Variants in JAKMIP1 observed in about 807,000 individuals in gnomAD.
JAKMIP1 encodes janus kinase and microtubule interacting protein 1, also known as janus kinase and microtubule-interacting protein 1.
A neutral mutation model predicts 113.0 loss-of-function variants in JAKMIP1; 33 were observed. The ratio of observed to expected loss-of-function variants is 0.29; its 90% CI spans 0.22 to 0.39. JAKMIP1 has a LOEUF of 0.39. JAKMIP1 is among the 10% of genes least tolerant of loss of function. JAKMIP1 has a pLI of 1.00. For synonymous variants in JAKMIP1, 480 were observed against 459.9 expected, an observed-to-expected ratio of 1.04 and a Z score of -0.56; for missense variants, 813 against 1,080.5, an observed-to-expected ratio of 0.75 and a Z score of 3.47.
intron 5 of JAKMIP1, among the ~76,000 whole-genome samples, chr4:6,084,297 G>A (rs543051921): frequency 2.8e-5 from 4 of 143,540 alleles, no homozygotes; most frequent in East Asian, 2.0e-4. Flanking sequence ...CAGCCTGGGC[G>A]ACAAGAGTGA....
chr4:6,160,687 C>T (rs1722793567), intron 1 of JAKMIP1, among the ~76,000 whole-genome samples: 1 of 152,148 alleles, frequency 6.6e-6, no homozygotes, highest in South Asian at 2.1e-4. Flanking sequence ...GTGTCCCCAA[C>T]AGGCCAGCCT....
chr4:6,119,244 G>A (rs1716333105), intron 1 of JAKMIP1, among the ~76,000 whole-genome samples: 2 of 152,172 alleles, frequency 1.3e-5, no homozygotes, highest in South Asian at 4.1e-4. Flanking sequence ...CAGGCATGCA[G>A]GGAAAAACCA....
rs142465887 is a variant in JAKMIP1 at position 6,081,802 on chromosome 4, C to T, written c.955-47G>A. 2.2e-5 allele frequency: 35 copies of T among 1,610,784 alleles called. No homozygotes were observed. The highest frequency in any genetic ancestry group is 3.3e-4 in the Middle Eastern group (2 of 6,044). On this transcript the variant is annotated intron_variant, in intron 5 of 20. Transcript: ENST00000409021. The surrounding 1 kb of genome is among the most constrained non-coding windows in gnomAD (Gnocchi z 4.6). ...GAGGCTCAGACAACTTGACGACGGACGGCCGAGGTCACAGCACCGAGGTGA... is the reference window on the plus strand; with the variant it reads ...GAGGCTCAGACAACTTGACGACGGATGGCCGAGGTCACAGCACCGAGGTGA...
At chr4:6,098,153 G>A (rs755678048) in intron 3 of JAKMIP1, among the ~76,000 whole-genome samples, 3 of 152,150 alleles carry the variant, frequency 2.0e-5, no homozygotes, top group South Asian at 2.1e-4. Flanking sequence ...ATTCCTCGTC[G>A]CGTGCGGTGG....
In JAKMIP1 at chr4:6,051,557, G is replaced by A. The variant is rs1006681728; in HGVS notation, c.1807-878C>T. 1.3e-5 allele frequency among the ~76,000 whole-genome samples: 2 copies of A among 152,168 alleles called. No homozygotes were observed. Among genetic ancestry groups the A allele is most frequent in the Admixed American group, 6.5e-5 (1 of 15,276 alleles). On this transcript the variant is annotated intron_variant, in intron 13 of 20. Coordinates refer to ENST00000409021, the MANE Select transcript of JAKMIP1 (RefSeq NM_001099433.2). This position sits in a 1 kb window ranked among gnomAD's most constrained non-coding sequence, Gnocchi z 5.0. ...GCCCGGCCCCAAAGGCTGACTTTCT[G>A]TTCTTTCCAATACAATCTGCCAATA...
At position 6,054,036 on chromosome 4, in the gene JAKMIP1, A is replaced by G; in HGVS notation, c.1806+14T>C. ...TGCTCCGTTTGAGAGTTTACAACAG[A>G]TAGAGTCTCTTACTTCGAGTTCTAG... On this transcript the variant is annotated intron_variant, in intron 13 of 20. Coordinates refer to ENST00000409021, the MANE Select transcript of JAKMIP1 (RefSeq NM_001099433.2). 6.2e-7 allele frequency: 1 copy of G among 1,614,200 alleles called. No individual in the cohort carries two copies. Among genetic ancestry groups the G allele is most frequent in the Non-Finnish European group, 8.5e-7 (1 of 1,180,014 alleles).
Position 6,185,530 on chromosome 4 carries a change from C to T in JAKMIP1, c.-148+14723G>A, listed in dbSNP as rs1029370388. ...GGGCGTGGTGGCAGACGCCTGTAGTCCCAGCTACTTGGGAGGCTGAGGCAG... is the reference window on the plus strand; with the variant it reads ...GGGCGTGGTGGCAGACGCCTGTAGTTCCAGCTACTTGGGAGGCTGAGGCAG... On this transcript the variant is annotated intron_variant, in intron 1 of 20. Transcript: ENST00000409021. This position sits in a 1 kb window ranked among gnomAD's most constrained non-coding sequence, Gnocchi z 5.3. 6.6e-6 allele frequency among the ~76,000 whole-genome samples: 1 copy of T among 152,198 alleles called. No individual in the cohort carries two copies. The highest frequency in any genetic ancestry group is 2.4e-5 in the African/African-American group (1 of 41,448).
At chr4:6,109,116 T>TG (rs903833534) in intron 2 of JAKMIP1, among the ~76,000 whole-genome samples, 1 of 139,808 alleles carries the variant, frequency 7.2e-6, no homozygotes, top group African/African-American at 2.6e-5. Flanking sequence ...AAGATGTGCC[T>TG]GGGGCACCTT....
rs1342408592 is a variant in JAKMIP1, at chr4:6,142,534, CT to C, written c.-147-29538del. Among the ~76,000 whole-genome samples the C allele has an allele frequency of 6.6e-6, 1 of 152,216 alleles. No homozygotes were observed. The highest frequency in any genetic ancestry group is 1.5e-5 in the Non-Finnish European group (1 of 68,048). Reference sequence around the variant, plus strand: ...TTGCTTTTATTTAATATTACTGGCACTTTTTTTAAGCTACCATATCACAATA... The same window carrying C: ...TTGCTTTTATTTAATATTACTGGCACTTTTTTAAGCTACCATATCACAATA... On this transcript the variant is annotated intron_variant, in intron 1 of 20. Coordinates refer to ENST00000409021, the MANE Select transcript of JAKMIP1 (RefSeq NM_001099433.2). This position sits in a 1 kb window ranked among gnomAD's most constrained non-coding sequence, Gnocchi z 5.5.
In JAKMIP1 at chr4:6,065,009, CTG is replaced by C; in HGVS notation, c.1303-3_1303-2del. On this transcript the variant is annotated splice_acceptor_variant and splice_polypyrimidine_tract_variant and intron_variant, in intron 8 of 20. Transcript: ENST00000409021. LOFTEE classifies it high-confidence loss of function. This position sits in a 1 kb window ranked among gnomAD's most constrained non-coding sequence, Gnocchi z 5.1. ...CAAAAAATGTCTCCACAACATGCTT[CTG>C]TAAAACGCAATTTGTATGATGTTAG... 6.2e-7 allele frequency: 1 copy of C among 1,614,200 alleles called. No homozygotes were observed. Among genetic ancestry groups the C allele is most frequent in the Non-Finnish European group, 8.5e-7 (1 of 1,180,030 alleles).
Position 6,052,433 on chromosome 4 carries a change from G to A in JAKMIP1, c.1806+1617C>T, listed in dbSNP as rs557307688. Among the ~76,000 whole-genome samples the A allele has an allele frequency of 2.7e-3, 416 of 152,094 alleles. 2 individuals carry two copies. Among genetic ancestry groups the A allele is most frequent in the Non-Finnish European group, 3.0e-3 (202 of 67,990 alleles). Reference sequence around the variant, plus strand: ...AGGCTGAGGCAGGTGGATCCCTTGAGGTCAGGAGTTTGAGACCAGCCTGGC... The same window carrying A: ...AGGCTGAGGCAGGTGGATCCCTTGAAGTCAGGAGTTTGAGACCAGCCTGGC... On this transcript the variant is annotated intron_variant, in intron 13 of 20. Coordinates refer to ENST00000409021, the MANE Select transcript of JAKMIP1 (RefSeq NM_001099433.2).
chr4:6,166,652 C>T (rs888271144), intron 1 of JAKMIP1, among the ~76,000 whole-genome samples: 7 of 152,228 alleles, frequency 4.6e-5, no homozygotes, highest in African/African-American at 9.6e-5. Context: ...GCAGCATATG[C>T]GGCATTTTAT....
At position 6,135,280 on chromosome 4, in the gene JAKMIP1, G is replaced by A. The variant is rs1291446584; in HGVS notation, c.-147-22283C>T. 2.6e-5 allele frequency among the ~76,000 whole-genome samples: 4 copies of A among 152,272 alleles called. No individual in the cohort carries two copies. The highest frequency in any genetic ancestry group is 1.9e-4 in the East Asian group (1 of 5,180). The stretch of plus-strand genomic sequence containing the variant: ...AGGGTGGGACCTAATCCAAGATGAC[G>A]GATGTCCTAACAATACGAGGAAAAT... On this transcript the variant is annotated intron_variant, in intron 1 of 20. Transcript: ENST00000409021. The surrounding 1 kb of genome is among the most constrained non-coding windows in gnomAD (Gnocchi z 4.9).
In JAKMIP1 at chr4:6,061,232, G is replaced by C. The variant is rs536726101; in HGVS notation, c.1561-725C>G. Among the ~76,000 whole-genome samples, 1 of 152,210 alleles carries C rather than the reference G, an allele frequency of 6.6e-6. No individual in the cohort carries two copies. Among genetic ancestry groups the C allele is most frequent in the Admixed American group, 6.5e-5 (1 of 15,288 alleles). ...GGCAAGTAGATGAAATTTAAAAAGC[G>C]AAACAAAAATTATTCAGCCCACACA... is the stretch of plus-strand genomic sequence containing the variant. On this transcript the variant is annotated intron_variant, in intron 10 of 20. Transcript: ENST00000409021. This position sits in a 1 kb window ranked among gnomAD's most constrained non-coding sequence, Gnocchi z 5.3.
Position 6,059,663 on chromosome 4 carries a change from G to C in JAKMIP1, c.1644+761C>G, listed in dbSNP as rs1396686607. 2.0e-5 allele frequency among the ~76,000 whole-genome samples: 3 copies of C among 152,098 alleles called. No homozygotes were observed. Among genetic ancestry groups the C allele is most frequent in the African/African-American group, 7.2e-5 (3 of 41,428 alleles). On this transcript the variant is annotated intron_variant, in intron 11 of 20. Coordinates refer to ENST00000409021, the MANE Select transcript of JAKMIP1 (RefSeq NM_001099433.2). The surrounding 1 kb of genome is among the most constrained non-coding windows in gnomAD (Gnocchi z 4.8). Reference sequence around the variant, plus strand: ...TTCGAGATGGGGCAGTTCCAAGATGGTGGTGCCCCCCTCCCTGAATCCCTG... The same window carrying C: ...TTCGAGATGGGGCAGTTCCAAGATGCTGGTGCCCCCCTCCCTGAATCCCTG...
At chr4:6,083,841 A>G (rs1720921022) in intron 5 of JAKMIP1, among the ~76,000 whole-genome samples, 2 of 152,224 alleles carry the variant, frequency 1.3e-5, no homozygotes, top group Non-Finnish European at 2.9e-5. Flanking sequence ...GCTGTTATCC[A>G]GAAAATGTAA....
In JAKMIP1 at chr4:6,106,416, A is replaced by G. The variant is rs944930265; in HGVS notation, c.130-449T>C. On this transcript the variant is annotated intron_variant, in intron 2 of 20. Coordinates refer to ENST00000409021, the MANE Select transcript of JAKMIP1 (RefSeq NM_001099433.2). This position sits in a 1 kb window ranked among gnomAD's most constrained non-coding sequence, Gnocchi z 5.9. The stretch of plus-strand genomic sequence containing the variant: ...TCCTGGGGGGCAGTGAGCAGGGGGC[A>G]CCATTCTTGTTGAGTGGGGTCCCTA... 6.6e-6 allele frequency among the ~76,000 whole-genome samples: 1 copy of G among 152,142 alleles called. No homozygotes were observed. The highest frequency in any genetic ancestry group is 6.5e-5 in the Admixed American group (1 of 15,274).
Position 6,064,950 on chromosome 4 carries a change from A to G in JAKMIP1, c.1361T>C (p.Leu454Ser). 6.2e-7 allele frequency: 1 copy of G among 1,614,150 alleles called. No homozygotes were observed. The highest frequency in any genetic ancestry group is 2.2e-5 in the East Asian group (1 of 44,876). Residue 454 changes from leucine to serine, a missense_variant, in exon 9 of 21, where the codon TTG (leucine) becomes TCG (serine). This residue lies in a region of JAKMIP1 where 540 missense variants were observed against 653.9 expected (regional missense o/e 0.83). Transcript: ENST00000409021. This position sits in a 1 kb window ranked among gnomAD's most constrained non-coding sequence, Gnocchi z 4.3. ...FDEESVDSET[L>S]SETSYNTDRT... ...GTCTGTGTTGTAGGATGTTTCGGACAACGTTTCTGAGTCCACAGACTCCTC... is the reference window on the plus strand; with the variant it reads ...GTCTGTGTTGTAGGATGTTTCGGACGACGTTTCTGAGTCCACAGACTCCTC...
At chr4:6,036,517 T>C (rs954739401) in intron 18 of JAKMIP1, among the ~76,000 whole-genome samples, 5 of 152,206 alleles carry the variant, frequency 3.3e-5, no homozygotes, top group African/African-American at 1.2e-4. Flanking sequence ...GGGAAATATG[T>C]CTGGATTTGC....
Sources: allele counts gnomAD v4.1 joint callset (sites outside exome capture counted in the v4.1 genomes callset), GRCh38; gene constraint gnomAD v4.1.1; regional missense constraint gnomAD v4.1.1; non-coding constraint Gnocchi (gnomAD v3.1); transcripts MANE v1.5; gene names NCBI Gene and HGNC (gene_info 2026-07-23, HGNC 2026-07-21).